The following SUGCT variants were observed in gnomAD, a reference collection of about 807,000 sequenced individuals.
SUGCT encodes succinyl-CoA:glutarate-CoA transferase, also known as succinyl-CoA:glutarate CoA-transferase.
In SUGCT, 41 loss-of-function variants were observed where a neutral mutation model predicts 55.0. The observed-to-expected ratio is 0.74, with a 90% CI of 0.58 to 0.97. The LOEUF (loss-of-function observed/expected upper bound fraction) is 0.97, where lower values mean the gene tolerates loss of function less well. Among genes scored for constraint, SUGCT ranks in the 50% least tolerant of loss-of-function variants. SUGCT has a pLI of 0.00. For synonymous variants in SUGCT, 187 were observed against 200.4 expected (o/e 0.93, Z 0.56); for missense variants, 568 against 547.8 (o/e 1.04, Z -0.37).
At chr7:40,898,613 A>C in the SUGCT span, among the ~76,000 whole-genome samples, 6 of 151,926 alleles carry the variant, frequency 3.9e-5, no homozygotes, top group South Asian at 1.0e-3. Context: ...AGTCCTAGCT[A>C]CGGGGGAAGC....
intron 13 of SUGCT, among the ~76,000 whole-genome samples, chr7:40,839,996 T>G (rs1290816181): frequency 1.3e-5 from 2 of 152,192 alleles, no homozygotes; most frequent in Non-Finnish European, 2.9e-5. Flanking sequence ...TCTCATTTTC[T>G]GCTTCCTTTA....
At chr7:40,781,777 A>G (rs1789763055) in intron 13 of SUGCT, among the ~76,000 whole-genome samples, 1 of 152,128 alleles carries the variant, frequency 6.6e-6, no homozygotes, top group Non-Finnish European at 1.5e-5. Flanking sequence ...CCAGCTTCTC[A>G]GGCAACTTCT....
intron 12 of SUGCT, among the ~76,000 whole-genome samples, chr7:40,627,810 A>G (rs1245040008): frequency 6.6e-6 from 1 of 152,172 alleles, no homozygotes; most frequent in Non-Finnish European, 1.5e-5. Context: ...CCCTGCCTCC[A>G]GACACTATTC....
chr7:40,975,509 A>G, the SUGCT span, among the ~76,000 whole-genome samples: 1 of 152,230 alleles, frequency 6.6e-6, no homozygotes, highest in Non-Finnish European at 1.5e-5. Flanking sequence ...TCTTTTCTGT[A>G]TATGATACAA....
intron 9 of SUGCT, among the ~76,000 whole-genome samples, chr7:40,372,609 C>G (rs1405446378): frequency 1.3e-5 from 2 of 151,934 alleles, no homozygotes; most frequent in Non-Finnish European, 2.9e-5. Context: ...CTGAAAAACA[C>G]CATCCCAATG....
chr7:40,342,967 T>C (rs969439063), intron 9 of SUGCT, among the ~76,000 whole-genome samples: 43 of 152,202 alleles, frequency 2.8e-4, no homozygotes, highest in African/African-American at 9.4e-4. Context: ...TAGAAGTTGG[T>C]CTTCCTCAGC....
the SUGCT span, among the ~76,000 whole-genome samples, chr7:40,910,701 G>A: frequency 6.6e-6 from 1 of 151,914 alleles, no homozygotes; most frequent in Non-Finnish European, 1.5e-5. Flanking sequence ...ATTGATAAGT[G>A]CTAATAATAA....
At chr7:40,328,731 ATG>A (rs1388778609) in intron 9 of SUGCT, among the ~76,000 whole-genome samples, 3 of 151,286 alleles carry the variant, frequency 2.0e-5, no homozygotes, top group East Asian at 1.9e-4. Flanking sequence ...GTGTGTGTGT[ATG>A]TGTGTGTATG....
At chr7:41,002,575 G>C in the SUGCT span, among the ~76,000 whole-genome samples, 1 of 145,884 alleles carries the variant, frequency 6.9e-6, no homozygotes, top group South Asian at 2.1e-4. Context: ...ATGATTGAGT[G>C]TCCATTTTAG....
intron 12 of SUGCT, among the ~76,000 whole-genome samples, chr7:40,607,361 C>T (rs1240757063): frequency 6.6e-6 from 1 of 152,144 alleles, no homozygotes; most frequent in Non-Finnish European, 1.5e-5. Flanking sequence ...ACCTAGGCCT[C>T]CCAAGTGCTG....
At chr7:40,377,775 G>A (rs759849865) in intron 9 of SUGCT, among the ~76,000 whole-genome samples, 13 of 152,112 alleles carry the variant, frequency 8.5e-5, no homozygotes, top group African/African-American at 1.7e-4. Context: ...TACTTGTAGC[G>A]CAGGTTTGCT....
At chr7:40,945,370 G>T in the SUGCT span, among the ~76,000 whole-genome samples, 1 of 152,154 alleles carries the variant, frequency 6.6e-6, no homozygotes, top group Non-Finnish European at 1.5e-5. Flanking sequence ...GATGTTTCAT[G>T]TACAGAGGGA....
intron 1 of SUGCT, among the ~76,000 whole-genome samples, chr7:40,150,670 C>CAACAA (rs140041088): frequency 0.018 from 2,670 of 151,920 alleles, 39 homozygotes; most frequent in African/African-American, 0.039. Flanking sequence ...AAACTACACA[C>CAACAA]AACAAAACAA....
chr7:40,767,354 A>G (rs370896642), intron 13 of SUGCT, among the ~76,000 whole-genome samples: 3 of 152,210 alleles, frequency 2.0e-5, no homozygotes, highest in African/African-American at 7.2e-5. Flanking sequence ...AAAGAAAACT[A>G]TATGGTATTC....
chr7:40,511,892 C>T (rs774215532), intron 12 of SUGCT, among the ~76,000 whole-genome samples: 1 of 152,054 alleles, frequency 6.6e-6, no homozygotes, highest in Non-Finnish European at 1.5e-5. Context: ...AATATTTCTT[C>T]ATCATACTTG....
At chr7:40,688,416 G>A (rs541115211) in intron 12 of SUGCT, among the ~76,000 whole-genome samples, 107 of 152,184 alleles carry the variant, frequency 7.0e-4, no homozygotes, top group Non-Finnish European at 1.3e-3. Flanking sequence ...AGTTGCCATG[G>A]CACTTCTATT....
chr7:40,707,185 A>G (rs1014962949), intron 12 of SUGCT, among the ~76,000 whole-genome samples: 13 of 152,078 alleles, frequency 8.5e-5, no homozygotes, highest in African/African-American at 3.1e-4. Context: ...AATGAGGGGT[A>G]TAGATTTGAA....
intron 13 of SUGCT, among the ~76,000 whole-genome samples, chr7:40,822,336 G>T (rs932105383): frequency 6.6e-6 from 1 of 152,064 alleles, no homozygotes. Flanking sequence ...TTTCTGTCTC[G>T]TTGATCTGTC....
chr7:40,393,248 T>G lies in SUGCT; in HGVS notation c.817-56039T>G, dbSNP rs377658377. Among the ~76,000 whole-genome samples, 99 of 152,186 alleles carry G rather than the reference T, an allele frequency of 6.5e-4. 3 individuals carry two copies. The South Asian group carries it at 0.021, about 32-fold the overall frequency. On this transcript the variant is annotated intron_variant, in intron 9 of 13. Coordinates refer to ENST00000335693, the MANE Select transcript of SUGCT (RefSeq NM_001193313.2). ...AAGACACAGAACAGGAATAATCAGATGTATAATGAGAACCAATGGTATGTG... is the reference window on the plus strand; with the variant it reads ...AAGACACAGAACAGGAATAATCAGAGGTATAATGAGAACCAATGGTATGTG...
Sources: allele counts gnomAD v4.1 joint callset (sites outside exome capture counted in the v4.1 genomes callset), GRCh38; gene constraint gnomAD v4.1.1; transcripts MANE v1.5; gene names NCBI Gene and HGNC (gene_info 2026-07-23, HGNC 2026-07-21).